The following LRRC4C variants were observed in gnomAD, a reference collection of about 807,000 sequenced individuals.
LRRC4C encodes the protein leucine-rich repeat-containing protein 4C.
A neutral mutation model predicts 33.6 loss-of-function variants in LRRC4C; 5 were observed. The observed-to-expected ratio is 0.15, with a 90% CI of 0.08 to 0.31. LRRC4C has a LOEUF of 0.31. Among genes scored for constraint, LRRC4C ranks in the 10% least tolerant of loss-of-function variants. LRRC4C has a pLI of 1.00. For synonymous variants in LRRC4C, 329 were observed against 302.0 expected (o/e 1.09, Z -0.93); for missense variants, 560 against 796.7 (o/e 0.70, Z 3.58).
chr11:40,173,023 G>A (rs768211569), intron 5 of LRRC4C, among the ~76,000 whole-genome samples: 2 of 152,152 alleles, frequency 1.3e-5, no homozygotes, highest in Non-Finnish European at 2.9e-5. Context: ...TGAGACTGAA[G>A]CAGTACATCT....
chr11:41,189,326 A>T (rs1235873056), intron 1 of LRRC4C, among the ~76,000 whole-genome samples: 1 of 152,050 alleles, frequency 6.6e-6, no homozygotes, highest in African/African-American at 2.4e-5. Context: ...AAAAGACAAG[A>T]CGTTTCCTGG....
chr11:41,227,877 C>G (rs1358499857), intron 1 of LRRC4C, among the ~76,000 whole-genome samples: 1 of 151,936 alleles, frequency 6.6e-6, no homozygotes, highest in African/African-American at 2.4e-5. Context: ...CTTTTTCTGT[C>G]TGAATATTTT....
intron 3 of LRRC4C, among the ~76,000 whole-genome samples, chr11:40,402,871 T>C (rs1010183187): frequency 2.0e-5 from 3 of 152,138 alleles, no homozygotes; most frequent in African/African-American, 4.8e-5. Context: ...TTTGTCCTAA[T>C]AGCTGGTTGT....
intron 5 of LRRC4C, among the ~76,000 whole-genome samples, chr11:40,167,889 A>G (rs1162267280): frequency 6.6e-6 from 1 of 152,080 alleles, no homozygotes. Context: ...TACTAAAAAT[A>G]CAAAATTAGC....
chr11:41,263,099 T>C (rs1949036698), intron 1 of LRRC4C, among the ~76,000 whole-genome samples: 1 of 152,124 alleles, frequency 6.6e-6, no homozygotes, highest in Non-Finnish European at 1.5e-5. Flanking sequence ...TTTCATTCCT[T>C]GCCTCTATCT....
chr11:40,654,861 T>C (rs920768080), intron 2 of LRRC4C, among the ~76,000 whole-genome samples: 1 of 152,164 alleles, frequency 6.6e-6, no homozygotes, highest in Non-Finnish European at 1.5e-5. Flanking sequence ...GATAATTGAA[T>C]CATGGTGGTG....
chr11:41,209,760 A>AGCATAAATTCTGG (rs1440014323), intron 1 of LRRC4C, among the ~76,000 whole-genome samples: 2 of 152,150 alleles, frequency 1.3e-5, no homozygotes, highest in African/African-American at 4.8e-5. Flanking sequence ...ATGCAAGAGG[A>AGCATAAATTCTGG]GCATAAATTC....
intron 1 of LRRC4C, among the ~76,000 whole-genome samples, chr11:41,449,695 C>T (rs12574457): frequency 0.047 from 7,053 of 151,572 alleles, 232 homozygotes; most frequent in East Asian, 0.13. Context: ...CTCTACTGGC[C>T]TCCCCCGACC....
intron 1 of LRRC4C, among the ~76,000 whole-genome samples, chr11:41,012,543 G>A (rs537223840): frequency 6.6e-6 from 1 of 152,092 alleles, no homozygotes; most frequent in Non-Finnish European, 1.5e-5. Context: ...CTGCAATAAA[G>A]GTTGGAGTGC....
chr11:40,727,958 G>A (rs1947367851), intron 2 of LRRC4C, among the ~76,000 whole-genome samples: 1 of 151,992 alleles, frequency 6.6e-6, no homozygotes, highest in African/African-American at 2.4e-5. Context: ...CAGGATAATC[G>A]CTTGAACCCA....
rs543126664 is a variant in LRRC4C, at chr11:40,439,655, C to T, written c.-269-119934G>A. ...TTTTAGCAGAGACGGGGTTTCACCA[C>T]CTTGGCCAGGCTGGTCTTGAACTCC... On this transcript the variant is annotated intron_variant, in intron 3 of 6. Coordinates refer to ENST00000528697, the MANE Select transcript of LRRC4C (RefSeq NM_001258419.2). 9.9e-5 allele frequency among the ~76,000 whole-genome samples: 15 copies of T among 151,652 alleles called. No individual in the cohort carries two copies. In the East Asian group the frequency reaches 3.0e-3, roughly 30 times the overall value.
At chr11:40,495,856 G>A (rs978903244) in intron 3 of LRRC4C, among the ~76,000 whole-genome samples, 3 of 69,378 alleles carry the variant, frequency 4.3e-5, no homozygotes, top group Non-Finnish European at 8.3e-5. Context: ...TTTTGAGAGA[G>A]TCTCGCATTA....
At chr11:41,038,804 G>A (rs1857247893) in intron 1 of LRRC4C, among the ~76,000 whole-genome samples, 1 of 152,136 alleles carries the variant, frequency 6.6e-6, no homozygotes, top group African/African-American at 2.4e-5. Context: ...TGTTGATGGA[G>A]TTTAGGACAT....
At chr11:41,365,718 C>A (rs998397291) in intron 1 of LRRC4C, among the ~76,000 whole-genome samples, 1 of 152,128 alleles carries the variant, frequency 6.6e-6, no homozygotes, top group African/African-American at 2.4e-5. Context: ...TTGTCCTAGA[C>A]ACAGAACAGC....
At chr11:40,290,786 A>G (rs1250061758) in intron 4 of LRRC4C, among the ~76,000 whole-genome samples, 3 of 152,138 alleles carry the variant, frequency 2.0e-5, no homozygotes, top group African/African-American at 4.8e-5. Context: ...AGGAAGAGGG[A>G]GAGAGGGAGG....
intron 1 of LRRC4C, among the ~76,000 whole-genome samples, chr11:41,291,862 T>A (rs963656175): frequency 1.7e-4 from 26 of 152,196 alleles, no homozygotes; most frequent in African/African-American, 6.0e-4. Context: ...TTGCATACCT[T>A]AAATACTTAA....
At chr11:40,488,676 G>A (rs1953995766) in intron 3 of LRRC4C, among the ~76,000 whole-genome samples, 1 of 151,914 alleles carries the variant, frequency 6.6e-6, no homozygotes, top group South Asian at 2.1e-4. Context: ...ATTCTTACGT[G>A]ACTAAATCCT....
chr11:40,525,418 C>A (rs540410318), intron 3 of LRRC4C, among the ~76,000 whole-genome samples: 1 of 152,072 alleles, frequency 6.6e-6, no homozygotes, highest in Non-Finnish European at 1.5e-5. Context: ...TGCACTCCAG[C>A]CTGGGTGACA....
intron 1 of LRRC4C, among the ~76,000 whole-genome samples, chr11:41,200,249 C>G (rs1190419693): frequency 6.6e-6 from 1 of 152,046 alleles, no homozygotes; most frequent in Non-Finnish European, 1.5e-5. Flanking sequence ...ACAGCAGGTT[C>G]TAAATACTTT....
Sources: allele counts gnomAD v4.1 joint callset (sites outside exome capture counted in the v4.1 genomes callset), GRCh38; gene constraint gnomAD v4.1.1; transcripts MANE v1.5; gene names NCBI Gene and HGNC (gene_info 2026-07-23, HGNC 2026-07-21).